ATAD2B: variants seen among roughly 807,000 people sequenced by gnomAD.
The protein encoded by ATAD2B is ATPase family AAA domain-containing protein 2B.
In ATAD2B, 40 loss-of-function variants were observed where a neutral mutation model predicts 167.6. The observed-to-expected ratio is 0.24, with a 90% CI of 0.19 to 0.31. ATAD2B has a LOEUF of 0.31. Ranked by LOEUF, ATAD2B falls within the 10% of genes least tolerant of loss-of-function variation. The pLI is 1.00. For synonymous variants in ATAD2B, 579 were observed against 596.5 expected, an observed-to-expected ratio of 0.97 and a Z score of 0.43; for missense variants, 1,242 against 1,757.2, an observed-to-expected ratio of 0.71 and a Z score of 5.24.
chr2:23,900,476 C>A (rs931558878), intron 1 of ATAD2B, among the ~76,000 whole-genome samples: 1 of 152,178 alleles, frequency 6.6e-6, no homozygotes, highest in Non-Finnish European at 1.5e-5. Flanking sequence ...CCAAGACATT[C>A]TTTACTCCAA....
chr2:23,816,805 G>A lies in ATAD2B; in HGVS notation c.2267+2942C>T, dbSNP rs199911584. Among the ~76,000 whole-genome samples the A allele has an allele frequency of 6.6e-5, 10 of 152,154 alleles. No individual in the cohort carries two copies. The East Asian group carries it at 1.9e-3, about 29-fold the overall frequency. On this transcript the variant is annotated intron_variant, in intron 17 of 27. Coordinates refer to ENST00000238789, the MANE Select transcript of ATAD2B (RefSeq NM_017552.4). ...TCACCCTTATGGTAATATAAAGTAA[G>A]AAAGAAAATTTATTTTCCATCATAA...
chr2:23,857,828 G>A (rs1236653065), intron 12 of ATAD2B, among the ~76,000 whole-genome samples: 3 of 141,402 alleles, frequency 2.1e-5, no homozygotes, highest in Admixed American at 7.9e-5. Flanking sequence ...TACAAGCTCC[G>A]TCTCCCAGAT....
chr2:23,800,732 T>C lies in ATAD2B; in HGVS notation c.2455-2409A>G, dbSNP rs141538425. On this transcript the variant is annotated intron_variant, in intron 18 of 27. Transcript: ENST00000238789. ...ATCTCATCTTCTCAAAATTAACAAA[T>C]TGAACATGATATCCTAGTGATCCAA... is the stretch of plus-strand genomic sequence containing the variant. Among the ~76,000 whole-genome samples the C allele has an allele frequency of 6.8e-3, 1,030 of 152,050 alleles. 8 individuals carry two copies. Among genetic ancestry groups the C allele is most frequent in the Middle Eastern group, 0.017 (5 of 294 alleles).
the ATAD2B span, chr2:23,693,601 A>C: frequency 2.8e-6 from 4 of 1,450,760 alleles, no homozygotes; most frequent in Non-Finnish European, 3.8e-6. Context: ...GTCTGCAGCA[A>C]GGAGGAAGGA....
chr2:23,748,600 T>C (rs1292937250), downstream of ATAD2B: 5 of 152,156 alleles, frequency 3.3e-5, no homozygotes, highest in African/African-American at 1.2e-4. Flanking sequence ...ACAGTCTAAA[T>C]CAGCTAGAAA....
intron 22 of ATAD2B, among the ~76,000 whole-genome samples, chr2:23,773,959 C>A (rs1296389626): frequency 6.6e-6 from 1 of 152,102 alleles, no homozygotes; most frequent in Non-Finnish European, 1.5e-5. Context: ...AGAAGCAGTA[C>A]TTTAATGAAT....
the ATAD2B span, chr2:23,706,471 C>T: frequency 1.4e-6 from 2 of 1,476,750 alleles, no homozygotes; most frequent in South Asian, 1.4e-5. Context: ...TCCCCGCTTT[C>T]CCCCAACAGT....
At chr2:23,863,577 GA>G in intron 11 of ATAD2B, 22 bp from the exon 12 acceptor site, 1 of 1,532,382 alleles carries the variant, frequency 6.5e-7, no homozygotes, top group East Asian at 2.4e-5. Flanking sequence ...AAAAAATCAA[GA>G]AGTGTAAATT....
intron 7 of ATAD2B, among the ~76,000 whole-genome samples, chr2:23,880,071 AAGAGAG>A (rs1182050510): frequency 6.6e-6 from 1 of 151,574 alleles, no homozygotes; most frequent in African/African-American, 2.4e-5. Flanking sequence ...AAAAAAAAAA[AAGAGAG>A]AGAGAGATAC....
chr2:23,778,698 C>T (rs933773138), intron 22 of ATAD2B, among the ~76,000 whole-genome samples: 3 of 152,140 alleles, frequency 2.0e-5, no homozygotes, highest in African/African-American at 7.2e-5. Flanking sequence ...AAGGTTCAAC[C>T]TAATACACTT....
At chr2:23,844,335 C>T (rs1246221207) in intron 13 of ATAD2B, among the ~76,000 whole-genome samples, 1 of 150,960 alleles carries the variant, frequency 6.6e-6, no homozygotes, top group Non-Finnish European at 1.5e-5. Context: ...AACAAAACCA[C>T]TTCAAGAATA....
At chr2:23,840,576 T>C (rs1232276092) in intron 13 of ATAD2B, among the ~76,000 whole-genome samples, 1 of 152,248 alleles carries the variant, frequency 6.6e-6, no homozygotes, top group Non-Finnish European at 1.5e-5. Context: ...TTTTTCTGTT[T>C]TGTATATTAC....
chr2:23,699,245 C>G, the ATAD2B span, among the ~76,000 whole-genome samples: 1 of 152,162 alleles, frequency 6.6e-6, no homozygotes, highest in Non-Finnish European at 1.5e-5. Flanking sequence ...AGGAGGCTCA[C>G]AGAAAGAAAG....
chr2:23,889,849 GCAGA>G (rs1238269464), intron 2 of ATAD2B, among the ~76,000 whole-genome samples: 1 of 151,520 alleles, frequency 6.6e-6, no homozygotes, highest in East Asian at 2.0e-4. Flanking sequence ...AACCCAGGAG[GCAGA>G]TGTTGTAGTG....
At chr2:23,822,873 C>T (rs2339927) in intron 16 of ATAD2B, among the ~76,000 whole-genome samples, 17,742 of 141,962 alleles carry the variant, frequency 0.12, 1,130 homozygotes, top group Middle Eastern at 0.23. Context: ...GCCAAGACTG[C>T]GCCATTACAC....
Position 23,757,343 on chromosome 2 carries a change from G to A in ATAD2B, c.4078+75C>T, listed in dbSNP as rs533985139. 54 of 1,122,974 alleles carry A rather than the reference G, an allele frequency of 4.8e-5. No individual in the cohort carries two copies. In the East Asian group the frequency reaches 1.4e-3, roughly 29 times the overall value. 69.6% of individuals were successfully genotyped at this position (1,122,974 alleles called of 1,614,324 possible). A position where few individuals can be genotyped will look rare whatever the true frequency, so the allele number is the denominator to read the frequency against. ...AATTATTCATCAACTATTACTACTGGGAACCAGATAAAATACACAACGAAT... is the reference window on the plus strand; with the variant it reads ...AATTATTCATCAACTATTACTACTGAGAACCAGATAAAATACACAACGAAT... On this transcript the variant is annotated intron_variant, in intron 25 of 27. Transcript: ENST00000238789.
At chr2:23,829,717 C>A (rs901149661) in intron 14 of ATAD2B, among the ~76,000 whole-genome samples, 2 of 152,100 alleles carry the variant, frequency 1.3e-5, no homozygotes, top group African/African-American at 4.8e-5. Flanking sequence ...GATTACGCCA[C>A]TGCATGCCAG....
In ATAD2B at chr2:23,749,712, G is replaced by A. The variant is rs567554233; in HGVS notation, c.*2334C>T. 1.6e-4 allele frequency: 24 copies of A among 151,606 alleles called. No individual in the cohort carries two copies. Among genetic ancestry groups the A allele is most frequent in the East Asian group, 3.9e-4 (2 of 5,170 alleles). 9.4% of individuals were successfully genotyped at this position (151,606 alleles called of 1,614,324 possible). ...CCTCCAATTTCTCCATCTACATTAC[G>A]GTTAAAAAAACAAACAAACAAAAGC... On this transcript the variant is annotated 3_prime_UTR_variant, in exon 28 of 28. Coordinates refer to ENST00000238789, the MANE Select transcript of ATAD2B (RefSeq NM_017552.4).
chr2:23,729,395 G>C, the ATAD2B span, among the ~76,000 whole-genome samples: 1 of 152,140 alleles, frequency 6.6e-6, no homozygotes, highest in South Asian at 2.1e-4. Context: ...AGGGGACTCG[G>C]CTTGTCTGAA....
Sources: allele counts gnomAD v4.1 joint callset (sites outside exome capture counted in the v4.1 genomes callset), GRCh38; gene constraint gnomAD v4.1.1; transcripts MANE v1.5; gene names NCBI Gene and HGNC (gene_info 2026-07-23, HGNC 2026-07-21).